PTP4A3: variants seen among roughly 807,000 people sequenced by gnomAD.
PTP4A3 encodes protein tyrosine phosphatase type IVA 3.
PTP4A3 carries 9 observed loss-of-function variants against 15.2 expected under a neutral mutation model. The ratio of observed to expected loss-of-function variants is 0.59; its 90% CI spans 0.36 to 1.03. The LOEUF (loss-of-function observed/expected upper bound fraction) is 1.03, where lower values mean the gene tolerates loss of function less well. Ranked by LOEUF, PTP4A3 falls within the 50% of genes least tolerant of loss-of-function variation. PTP4A3 has a pLI of 0.02. For missense variants in PTP4A3, 234 were observed against 252.1 expected (o/e 0.93, Z 0.49); for synonymous variants, 95 against 102.0 (o/e 0.93, Z 0.41).
Position 141,425,196 on chromosome 8 carries a change from C to CGGGGGG in PTP4A3, c.198+57_198+62dup. On this transcript the variant is annotated intron_variant, in intron 3 of 5. Transcript: ENST00000521578. The surrounding 1 kb of genome is among the most constrained non-coding windows in gnomAD (Gnocchi z 4.2). ...CTGCTGCCACCGGGGGAGGGTGGGG[C>CGGGGGG]GGGGGGCTCCGGGCCTGCGCAGAGG... 2 of 361,484 alleles carry CGGGGGG rather than the reference C, an allele frequency of 5.5e-6. No individual in the cohort carries two copies. Among genetic ancestry groups the CGGGGGG allele is most frequent in the East Asian group, 6.7e-5 (1 of 14,872 alleles). 22.4% of individuals were successfully genotyped at this position (361,484 alleles called of 1,614,324 possible).
chr8:141,425,199 G>GGGGGGGGGGGGGGGGC lies in PTP4A3; in HGVS notation c.198+62_198+63insGGGGGGGGGGGGCGGG. The GGGGGGGGGGGGGGGGC allele has an allele frequency of 1.2e-6, 1 of 844,216 alleles. No homozygotes were observed. The highest frequency in any genetic ancestry group is 2.6e-5 in the East Asian group (1 of 38,322). The allele number at this position is 844,216 out of a possible 1,614,324, so 52.3% of individuals were successfully genotyped here. A position where few individuals can be genotyped will look rare whatever the true frequency, so the allele number is the denominator to read the frequency against. On this transcript the variant is annotated intron_variant, in intron 3 of 5. Transcript: ENST00000521578. This position sits in a 1 kb window ranked among gnomAD's most constrained non-coding sequence, Gnocchi z 4.2. ...CTGCCACCGGGGGAGGGTGGGGCGG[G>GGGGGGGGGGGGGGGGC]GGGCTCCGGGCCTGCGCAGAGGGTT...
intron 1 of PTP4A3, among the ~76,000 whole-genome samples, chr8:141,395,329 C>A (rs1460376718): frequency 6.6e-6 from 1 of 152,218 alleles, no homozygotes; most frequent in Non-Finnish European, 1.5e-5. Flanking sequence ...ACAGGCTGTT[C>A]CTCCCAGCCA....
chr8:141,404,396 T>A (rs1348690500), intron 1 of PTP4A3, among the ~76,000 whole-genome samples: 1 of 152,236 alleles, frequency 6.6e-6, no homozygotes, highest in South Asian at 2.1e-4. Flanking sequence ...GGAGGGTCCA[T>A]TGGGGCAGGG....
intron 1 of PTP4A3, among the ~76,000 whole-genome samples, chr8:141,405,891 G>A (rs1211400469): frequency 6.6e-6 from 1 of 152,154 alleles, no homozygotes; most frequent in Non-Finnish European, 1.5e-5. Flanking sequence ...CAGTGCAAGG[G>A]CTCGGAGGCA....
intron 1 of PTP4A3, among the ~76,000 whole-genome samples, chr8:141,398,576 A>G (rs931654880): frequency 3.3e-5 from 5 of 152,016 alleles, no homozygotes; most frequent in African/African-American, 9.7e-5. Context: ...CATCAAGAGG[A>G]AGTCTCTAAC....
At position 141,403,736 on chromosome 8, in the gene PTP4A3, G is replaced by T. The variant is rs546574193; in HGVS notation, c.-854+11652G>T. 5.9e-5 allele frequency among the ~76,000 whole-genome samples: 9 copies of T among 152,330 alleles called. No individual in the cohort carries two copies. The East Asian group carries it at 1.7e-3, about 29-fold the overall frequency. On this transcript the variant is annotated intron_variant, in intron 1 of 5. Transcript: ENST00000521578. Reference sequence around the variant, plus strand: ...AAGAGAATTGCTTCCCCAGCTTTCCGTGGGCCAGTGAGTGGTAACGGAACA... The same window carrying T: ...AAGAGAATTGCTTCCCCAGCTTTCCTTGGGCCAGTGAGTGGTAACGGAACA...
intron 1 of PTP4A3, among the ~76,000 whole-genome samples, chr8:141,413,461 CCTCCTGT>C (rs1434866231): frequency 6.6e-6 from 1 of 152,246 alleles, no homozygotes; most frequent in African/African-American, 2.4e-5. Flanking sequence ...ATGTGGGCTT[CCTCCTGT>C]CTGGAATCCT....
At chr8:141,429,249 C>T (rs541326494) in intron 5 of PTP4A3, among the ~76,000 whole-genome samples, 103 of 152,392 alleles carry the variant, frequency 6.8e-4, no homozygotes, top group African/African-American at 2.3e-3. Flanking sequence ...GCACCTGCAG[C>T]TTTGCTGGGC....
At chr8:141,426,108 T>TGG (rs1454184030) in intron 3 of PTP4A3, among the ~76,000 whole-genome samples, 1 of 152,094 alleles carries the variant, frequency 6.6e-6, no homozygotes, top group African/African-American at 2.4e-5. Context: ...TTGCCCTGCC[T>TGG]GGAGGCTGGG....
chr8:141,422,369 A>G, intron 2 of PTP4A3, 24 bp downstream of exon 2: 1 of 1,612,530 alleles, frequency 6.2e-7, no homozygotes, highest in East Asian at 2.2e-5. Context: ...GAGGTGTGGC[A>G]GGCAGGTGGC....
rs970210541 is a variant in PTP4A3 at position 141,412,219 on chromosome 8, G to A, written c.-853-9169G>A. 3.3e-5 allele frequency among the ~76,000 whole-genome samples: 5 copies of A among 152,214 alleles called. No individual in the cohort carries two copies. In the East Asian group the frequency reaches 5.8e-4, roughly 18 times the overall value. ...ACATGCCTGCTGCCCTGTCCAGGGC[G>A]TCTGGGTATGGTGGAAGTGGCCCCA... On this transcript the variant is annotated intron_variant, in intron 1 of 5. Transcript: ENST00000521578.
rs566369191 is a variant in PTP4A3, at chr8:141,423,009, C to T, written c.105+664C>T. Among the ~76,000 whole-genome samples, 176 of 152,318 alleles carry T rather than the reference C, an allele frequency of 1.2e-3. 2 individuals are homozygous for T. Among genetic ancestry groups the T allele is most frequent in the Non-Finnish European group, 2.3e-3 (155 of 68,030 alleles). ...GCCCTGCTGTTTGCAGGCCTGGGGC[C>T]GTTTGCAGCGTCTGCAGTTGTGTGC... is the stretch of plus-strand genomic sequence containing the variant. On this transcript the variant is annotated intron_variant, in intron 2 of 5. Transcript: ENST00000521578.
chr8:141,400,542 G>A (rs890285895), intron 1 of PTP4A3, among the ~76,000 whole-genome samples: 5 of 152,208 alleles, frequency 3.3e-5, no homozygotes, highest in African/African-American at 4.8e-5. Flanking sequence ...TCAGATGCTT[G>A]TTTATTAACC....
At chr8:141,410,519 T>C (rs555708957) in intron 1 of PTP4A3, among the ~76,000 whole-genome samples, 14 of 152,340 alleles carry the variant, frequency 9.2e-5, no homozygotes, top group African/African-American at 3.4e-4. Flanking sequence ...TCACAGCCCC[T>C]GTGGGTACCT....
intron 1 of PTP4A3, among the ~76,000 whole-genome samples, chr8:141,415,541 C>T (rs1833004470): frequency 1.4e-5 from 2 of 147,544 alleles, no homozygotes; most frequent in Admixed American, 1.3e-4. Context: ...CGGAGCGTTC[C>T]GGGATCCTTC....
intron 4 of PTP4A3, 129 bp from the exon 5 acceptor site, chr8:141,427,621 G>A: frequency 1.3e-6 from 1 of 758,606 alleles, no homozygotes; most frequent in Non-Finnish European, 2.1e-6. Context: ...TGGCCTCCAT[G>A]GGGGAGCTTC....
chr8:141,405,231 T>C (rs1832693625), intron 1 of PTP4A3, among the ~76,000 whole-genome samples: 1 of 152,204 alleles, frequency 6.6e-6, no homozygotes, highest in Non-Finnish European at 1.5e-5. Context: ...CCCTTGGGCC[T>C]TGCATGCCTG....
At chr8:141,418,492 C>T (rs1324749266) in intron 1 of PTP4A3, among the ~76,000 whole-genome samples, 1 of 152,302 alleles carries the variant, frequency 6.6e-6, no homozygotes, top group Admixed American at 6.5e-5. Flanking sequence ...CTCTCCCTGG[C>T]TTGTTTCCTC....
At chr8:141,415,158 C>T (rs1832990407) in intron 1 of PTP4A3, among the ~76,000 whole-genome samples, 1 of 151,894 alleles carries the variant, frequency 6.6e-6, no homozygotes, top group Admixed American at 6.5e-5. Flanking sequence ...GGGCAGGCTG[C>T]AGGGTCCGGG....
Sources: gnomAD v4.1 joint callset for allele counts (sites outside exome capture counted in the v4.1 genomes callset) on GRCh38, gnomAD v4.1.1 for gene constraint, Gnocchi (gnomAD v3.1) non-coding constraint, MANE v1.5 for transcripts, NCBI Gene and HGNC (gene_info 2026-07-23, HGNC 2026-07-21) for gene names.